The following ZNF329 variants were observed in gnomAD, a reference collection of about 807,000 sequenced individuals.
ZNF329 encodes the protein zinc finger protein 329.
ZNF329 carries 15 observed loss-of-function variants against 26.6 expected under a neutral mutation model. That is an observed-to-expected ratio of 0.56 (90% confidence interval 0.38 to 0.87). The LOEUF (loss-of-function observed/expected upper bound fraction) is 0.87, where lower values mean the gene tolerates loss of function less well. Ranked by LOEUF, ZNF329 falls within the 40% of genes least tolerant of loss-of-function variation. The pLI is 0.00. For missense variants in ZNF329, 651 were observed against 651.9 expected (o/e 1.00, Z 0.02); for synonymous variants, 239 against 233.5 (o/e 1.02, Z -0.21).
At chr19:58,144,396 A>ATTTTTTTTTTT (rs367570171) in intron 1 of ZNF329, among the ~76,000 whole-genome samples, 4 of 127,662 alleles carry the variant, frequency 3.1e-5, no homozygotes, top group African/African-American at 1.2e-4. Flanking sequence ...ATATATATAT[A>ATTTTTTTTTTT]TTTTTTTTTT....
chr19:58,139,880 A>G (rs1290217500), intron 3 of ZNF329, among the ~76,000 whole-genome samples: 1 of 152,200 alleles, frequency 6.6e-6, no homozygotes, highest in African/African-American at 2.4e-5. Flanking sequence ...AACAAAAACA[A>G]TAACAAGTAT....
chr19:58,146,703 G>A (rs539976570), intron 1 of ZNF329, among the ~76,000 whole-genome samples: 38 of 152,062 alleles, frequency 2.5e-4, no homozygotes, highest in African/African-American at 8.2e-4. Context: ...GGCACGCGCC[G>A]CCACGCCTGA....
At chr19:58,148,057 T>C (rs1304346311) in intron 1 of ZNF329, among the ~76,000 whole-genome samples, 6 of 152,080 alleles carry the variant, frequency 3.9e-5, no homozygotes. Flanking sequence ...AGAAAAATTC[T>C]TCTGCCTTGG....
In ZNF329 at chr19:58,129,014, G is replaced by T. The variant is rs371021178; in HGVS notation, c.490C>A (p.His164Asn). ...TTGCCTCTTTTCATTATTTTCTGATGACCAAGAGAGGTAAAATGATTAAAA... is the reference window on the plus strand; with the variant it reads ...TTGCCTCTTTTCATTATTTTCTGATTACCAAGAGAGGTAAAATGATTAAAA... ...KSFNHFTSLGHQKIMKRGKKS... is the reference protein window; with the variant it reads ...KSFNHFTSLGNQKIMKRGKKS... Residue 164 changes from histidine (H) to asparagine (N), a missense_variant, in exon 4 of 4, where the codon CAT becomes AAT. By Grantham distance (68) the His-to-Asn change is moderately conservative (BLOSUM62 1). Coordinates refer to ENST00000598312, the MANE Select transcript of ZNF329 (RefSeq NM_024620.4). The T allele has an allele frequency of 1.1e-5, 18 of 1,613,450 alleles. No homozygotes were observed. Among genetic ancestry groups the T allele is most frequent in the Non-Finnish European group, 1.5e-5 (18 of 1,179,628 alleles).
chr19:58,145,129 G>A (rs1568673310), intron 1 of ZNF329, among the ~76,000 whole-genome samples: 1 of 151,174 alleles, frequency 6.6e-6, no homozygotes, highest in African/African-American at 2.4e-5. Flanking sequence ...AATTACAGGC[G>A]TGAGCCACCG....
chr19:58,146,399 G>A (rs2146123607), intron 1 of ZNF329, among the ~76,000 whole-genome samples: 2 of 152,152 alleles, frequency 1.3e-5, no homozygotes, highest in Middle Eastern at 3.4e-3. Flanking sequence ...ACTTGAGCCT[G>A]GGAAGTAGAG....
chr19:58,130,193 CAT>C (rs2074905952), intron 3 of ZNF329, among the ~76,000 whole-genome samples: 1 of 151,254 alleles, frequency 6.6e-6, no homozygotes, highest in African/African-American at 2.4e-5. Flanking sequence ...CGTGGTGGCA[CAT>C]GCCTGTAGTC....
At position 58,127,855 on chromosome 19, in the gene ZNF329, A is replaced by G. The variant is rs1172342570; in HGVS notation, c.*23T>C. On this transcript the variant is annotated 3_prime_UTR_variant, in exon 4 of 4. Coordinates refer to ENST00000598312, the MANE Select transcript of ZNF329 (RefSeq NM_024620.4). ...AAACACAGGAGTGAGAGTGAACTGG[A>G]AGACTCATGTGGCCCCCAACCATTA... The G allele has an allele frequency of 6.4e-6, 10 of 1,554,370 alleles. No individual in the cohort carries two copies. In the South Asian group the frequency reaches 1.2e-4, roughly 19 times the overall value.
At chr19:58,134,810 C>G (rs1183918783) in intron 3 of ZNF329, among the ~76,000 whole-genome samples, 1 of 152,232 alleles carries the variant, frequency 6.6e-6, no homozygotes, top group African/African-American at 2.4e-5. Flanking sequence ...TGGCACATGC[C>G]TGTAATCCCA....
intron 1 of ZNF329, among the ~76,000 whole-genome samples, chr19:58,149,333 A>C (rs138783026): frequency 0.037 from 5,677 of 152,210 alleles, 370 homozygotes; most frequent in African/African-American, 0.13. Flanking sequence ...TACTTTCTTA[A>C]TAAGCTTGCT....
At chr19:58,147,536 G>A (rs1358160960) in intron 1 of ZNF329, among the ~76,000 whole-genome samples, 3 of 145,074 alleles carry the variant, frequency 2.1e-5, no homozygotes, top group Non-Finnish European at 4.5e-5. Flanking sequence ...GCCCCGCCCG[G>A]GAGGGAGGTG....
At chr19:58,146,445 C>A (rs939282643) in intron 1 of ZNF329, among the ~76,000 whole-genome samples, 1 of 151,916 alleles carries the variant, frequency 6.6e-6, no homozygotes, top group East Asian at 1.9e-4. Context: ...CTGCACTCTA[C>A]CCTGGGTGAC....
At chr19:58,134,146 G>C (rs1434626801) in intron 3 of ZNF329, among the ~76,000 whole-genome samples, 1 of 152,208 alleles carries the variant, frequency 6.6e-6, no homozygotes, top group Non-Finnish European at 1.5e-5. Flanking sequence ...GATGATTTTG[G>C]TTGTCAGTCT....
intron 3 of ZNF329, among the ~76,000 whole-genome samples, chr19:58,138,172 G>A (rs1434802382): frequency 6.6e-6 from 1 of 152,072 alleles, no homozygotes; most frequent in East Asian, 1.9e-4. Flanking sequence ...GTAGAAGACA[G>A]CGCCCTTACA....
chr19:58,143,243 T>C (rs2075226672), intron 1 of ZNF329, 45 bp from the exon 2 acceptor site: 1 of 152,106 alleles, frequency 6.6e-6, no homozygotes, highest in Non-Finnish European at 1.5e-5. Context: ...AATTATATAG[T>C]ATCTTTGTGG....
chr19:58,143,761 GA>G (rs2075236625), intron 1 of ZNF329, among the ~76,000 whole-genome samples: 1 of 152,078 alleles, frequency 6.6e-6, no homozygotes, highest in Admixed American at 6.6e-5. Context: ...TAGTATGTGA[GA>G]AAAAATTTTT....
At chr19:58,130,381 T>A (rs2146063025) in intron 3 of ZNF329, among the ~76,000 whole-genome samples, 1 of 151,920 alleles carries the variant, frequency 6.6e-6, no homozygotes, top group African/African-American at 2.4e-5. Flanking sequence ...TTATAAAAAC[T>A]GGATCATGTC....
upstream of ZNF329, among the ~76,000 whole-genome samples, chr19:58,151,172 A>G (rs1388440547): frequency 6.6e-6 from 1 of 152,096 alleles, no homozygotes; most frequent in African/African-American, 2.4e-5. Context: ...TGTTAAAATG[A>G]CTAGATCTAA....
At position 58,127,863 on chromosome 19, in the gene ZNF329, T is replaced by C; in HGVS notation, c.*15A>G. 2 of 1,562,248 alleles carry C rather than the reference T, an allele frequency of 1.3e-6. No individual in the cohort carries two copies. Among genetic ancestry groups the C allele is most frequent in the Non-Finnish European group, 1.7e-6 (2 of 1,153,526 alleles). Reference sequence around the variant, plus strand: ...GAGTGAGAGTGAACTGGAAGACTCATGTGGCCCCCAACCATTATGTTTCCA... The same window carrying C: ...GAGTGAGAGTGAACTGGAAGACTCACGTGGCCCCCAACCATTATGTTTCCA... On this transcript the variant is annotated 3_prime_UTR_variant, in exon 4 of 4. Coordinates refer to ENST00000598312, the MANE Select transcript of ZNF329 (RefSeq NM_024620.4).
Sources: allele counts gnomAD v4.1 joint callset (sites outside exome capture counted in the v4.1 genomes callset), GRCh38; gene constraint gnomAD v4.1.1; transcripts MANE v1.5; gene names NCBI Gene and HGNC (gene_info 2026-07-23, HGNC 2026-07-21).